Variants in DTNB observed in about 807,000 individuals in gnomAD.
The protein encoded by DTNB is DTN-B.
A neutral mutation model predicts 90.7 loss-of-function variants in DTNB; 63 were observed. The observed-to-expected ratio is 0.69, with a 90% CI of 0.57 to 0.86. The LOEUF (loss-of-function observed/expected upper bound fraction) is 0.86. Among genes scored for constraint, DTNB ranks in the 40% least tolerant of loss-of-function variants. The probability of loss-of-function intolerance (pLI) is 0.00; values close to 1 mark genes in which losing one functional copy is unlikely to be tolerated. For synonymous variants in DTNB, 277 were observed against 286.7 expected (o/e 0.97, Z 0.34); for missense variants, 744 against 807.1 (o/e 0.92, Z 0.95).
In DTNB at chr2:25,451,565, C is replaced by T. The variant is rs757720543; in HGVS notation, c.1240G>A (p.Ala414Thr). The T allele has an allele frequency of 3.4e-5, 54 of 1,608,212 alleles. 1 individual carries two copies. In the East Asian group the frequency reaches 1.2e-3, roughly 35 times the overall value. The change falls in exon 12 of 21, where the codon GCA becomes ACA. Residue 414 changes from alanine to threonine, a missense_variant. Physicochemically the swap from Ala to Thr is moderately conservative, Grantham distance 58. Coordinates refer to ENST00000406818, the MANE Select transcript of DTNB (RefSeq NM_021907.5). Reference sequence around the variant, plus strand: ...TAACTTACCACGTTTCCTGCTTCTGCAGCCAGCCGGGCAGCATAGCGAGCT... The same window carrying T: ...TAACTTACCACGTTTCCTGCTTCTGTAGCCAGCCGGGCAGCATAGCGAGCT... ...LIARYAARLA[A>T]EAGNVTRPPT...
At chr2:25,612,095 G>A (rs1453996139) in intron 4 of DTNB, among the ~76,000 whole-genome samples, 2 of 152,146 alleles carry the variant, frequency 1.3e-5, no homozygotes, top group Non-Finnish European at 2.9e-5. Flanking sequence ...GTTTTTGAAT[G>A]TGCATATTCA....
intron 4 of DTNB, among the ~76,000 whole-genome samples, chr2:25,620,524 A>G (rs974951406): frequency 6.6e-6 from 1 of 152,250 alleles, no homozygotes; most frequent in African/African-American, 2.4e-5. Context: ...GAAAAGCACA[A>G]AAGAATAAAC....
chr2:25,411,086 C>T (rs1426083474), intron 16 of DTNB, among the ~76,000 whole-genome samples: 1 of 152,080 alleles, frequency 6.6e-6, no homozygotes, highest in Middle Eastern at 3.4e-3. Context: ...TAGCTGGGCG[C>T]GGTGGCTCAT....
chr2:25,466,130 C>T (rs1574826808), intron 10 of DTNB, among the ~76,000 whole-genome samples: 1 of 152,080 alleles, frequency 6.6e-6, no homozygotes, highest in Admixed American at 6.6e-5. Flanking sequence ...GTCAGGAGTT[C>T]GAGATCAGCC....
At chr2:25,408,275 C>T (rs1309739721) in intron 16 of DTNB, among the ~76,000 whole-genome samples, 1 of 151,888 alleles carries the variant, frequency 6.6e-6, no homozygotes, top group Non-Finnish European at 1.5e-5. Flanking sequence ...TGCCATTGCA[C>T]TCCAGCCTGG....
At chr2:25,654,262 C>T (rs761177712) in intron 1 of DTNB, among the ~76,000 whole-genome samples, 3 of 152,192 alleles carry the variant, frequency 2.0e-5, no homozygotes, top group Non-Finnish European at 4.4e-5. Context: ...TGTCATAACA[C>T]AACCACCTTT....
Position 25,387,099 on chromosome 2 carries a change from C to T in DTNB, c.1825+190G>A, listed in dbSNP as rs1160432772. The T allele has an allele frequency of 1.8e-6, 1 of 556,268 alleles. No individual in the cohort carries two copies. The highest frequency in any genetic ancestry group is 3.2e-6 in the Non-Finnish European group (1 of 309,956). 34.5% of individuals were successfully genotyped at this position (556,268 alleles called of 1,614,324 possible). A position where few individuals can be genotyped will look rare whatever the true frequency, so the allele number is the denominator to read the frequency against. ...GATAGGCCTGAATGTGAAACCGCCCCTACGCGATCCTGTGTGACAGAGGCT... is the reference window on the plus strand; with the variant it reads ...GATAGGCCTGAATGTGAAACCGCCCTTACGCGATCCTGTGTGACAGAGGCT... On this transcript the variant is annotated intron_variant, in intron 18 of 20. Coordinates refer to ENST00000406818, the MANE Select transcript of DTNB (RefSeq NM_021907.5). The surrounding 1 kb of genome is among the most constrained non-coding windows in gnomAD (Gnocchi z 4.5).
At chr2:25,447,371 C>T (rs535420327) in intron 12 of DTNB, among the ~76,000 whole-genome samples, 2 of 152,152 alleles carry the variant, frequency 1.3e-5, no homozygotes, top group African/African-American at 4.8e-5. Flanking sequence ...CAAACTATAA[C>T]GTAATGTAAA....
intron 16 of DTNB, among the ~76,000 whole-genome samples, chr2:25,390,708 A>T (rs2040858892): frequency 6.6e-6 from 1 of 152,022 alleles, no homozygotes; most frequent in Non-Finnish European, 1.5e-5. Flanking sequence ...CGGCCTCCCA[A>T]AGTGCTAGGA....
intron 9 of DTNB, 55 bp downstream of exon 9, chr2:25,531,418 T>G: frequency 6.4e-7 from 1 of 1,563,608 alleles, no homozygotes; most frequent in Non-Finnish European, 8.6e-7. Flanking sequence ...CCACAGGAAT[T>G]TCACAAGGCC....
At chr2:25,619,897 A>G (rs1163163947) in intron 4 of DTNB, among the ~76,000 whole-genome samples, 4 of 152,008 alleles carry the variant, frequency 2.6e-5, no homozygotes, top group Non-Finnish European at 1.5e-5. Flanking sequence ...AAAATTAGCC[A>G]GGCGTGGTGG....
At chr2:25,495,859 A>C (rs1323048738) in intron 9 of DTNB, among the ~76,000 whole-genome samples, 2 of 152,230 alleles carry the variant, frequency 1.3e-5, no homozygotes, top group African/African-American at 4.8e-5. Context: ...AGTGCATTTA[A>C]GTTTACTGAT....
In DTNB at chr2:25,594,224, A is replaced by G. The variant is rs145459324; in HGVS notation, c.603+1862T>C. Among the ~76,000 whole-genome samples, 3 of 152,324 alleles carry G rather than the reference A, an allele frequency of 2.0e-5. No homozygotes were observed. In the East Asian group the frequency reaches 5.8e-4, roughly 29 times the overall value. On this transcript the variant is annotated intron_variant, in intron 6 of 20. Transcript: ENST00000406818. ...TTTGAAAATGCATATTCGGGGGGGA[A>G]AATGTGAACTATGTTTCATTAGAAC... is the stretch of plus-strand genomic sequence containing the variant.
At chr2:25,608,001 A>G (rs1012400725) in intron 4 of DTNB, among the ~76,000 whole-genome samples, 1 of 152,204 alleles carries the variant, frequency 6.6e-6, no homozygotes, top group Non-Finnish European at 1.5e-5. Flanking sequence ...CCACCAGCAG[A>G]ACCAAGACAA....
intron 8 of DTNB, among the ~76,000 whole-genome samples, chr2:25,560,733 A>AT (rs1475113615): frequency 6.6e-6 from 1 of 152,106 alleles, no homozygotes; most frequent in Non-Finnish European, 1.5e-5. Context: ...GCGCGTGCCC[A>AT]CCCTATTGAG....
chr2:25,665,284 C>T (rs1291969950), intron 1 of DTNB, among the ~76,000 whole-genome samples: 3 of 152,182 alleles, frequency 2.0e-5, no homozygotes, highest in Non-Finnish European at 4.4e-5. Flanking sequence ...AGTTCACCAC[C>T]TCCCACCATC....
chr2:25,467,245 TGAA>T (rs2061953719), intron 10 of DTNB, among the ~76,000 whole-genome samples: 1 of 151,996 alleles, frequency 6.6e-6, no homozygotes, highest in Non-Finnish European at 1.5e-5. Flanking sequence ...ATACTACGAA[TGAA>T]GAAGATGTAA....
At chr2:25,595,974 C>A (rs1389504173) in intron 6 of DTNB, 112 bp downstream of exon 6, 2 of 916,882 alleles carry the variant, frequency 2.2e-6, no homozygotes, top group Admixed American at 1.9e-4. Flanking sequence ...AAGCTTTTTT[C>A]CTCCCCTACT....
intron 5 of DTNB, among the ~76,000 whole-genome samples, chr2:25,604,141 C>T (rs753717578): frequency 4.6e-5 from 7 of 152,080 alleles, no homozygotes; most frequent in Non-Finnish European, 8.8e-5. Flanking sequence ...AAACACATAA[C>T]ATCATATTTG....
Sources: allele counts gnomAD v4.1 joint callset (sites outside exome capture counted in the v4.1 genomes callset), GRCh38; gene constraint gnomAD v4.1.1; non-coding constraint Gnocchi (gnomAD v3.1); transcripts MANE v1.5; gene names NCBI Gene and HGNC (gene_info 2026-07-23, HGNC 2026-07-21).